The following SPATA7 variants were observed in gnomAD, a reference collection of about 807,000 sequenced individuals.
SPATA7 encodes the protein spermatogenesis associated 7.
SPATA7 carries 43 observed loss-of-function variants against 51.8 expected under a neutral mutation model. That is an observed-to-expected ratio of 0.83 (90% CI 0.65 to 1.07). The LOEUF is 1.07. Ranked by LOEUF, SPATA7 falls within the 50% of genes least tolerant of loss-of-function variation. The pLI, the probability that SPATA7 is intolerant of heterozygous loss-of-function variation, is 0.00. For synonymous variants in SPATA7, 230 were observed against 252.8 expected, an observed-to-expected ratio of 0.91 and a Z score of 0.86; for missense variants, 683 against 701.3, an observed-to-expected ratio of 0.97 and a Z score of 0.30.
At chr14:88,393,789 A>C (rs1241291952) in intron 3 of SPATA7, among the ~76,000 whole-genome samples, 1 of 152,130 alleles carries the variant, frequency 6.6e-6, no homozygotes, top group African/African-American at 2.4e-5. Context: ...TTTTGTTTAC[A>C]CATCTATGGA....
intron 4 of SPATA7, among the ~76,000 whole-genome samples, chr14:88,409,478 A>G (rs538733796): frequency 2.7e-5 from 4 of 150,032 alleles, no homozygotes; most frequent in Non-Finnish European, 6.0e-5. Context: ...TTGATTCTCT[A>G]TTTTCTTCTT....
chr14:88,457,300 A>G (rs1279970709), downstream of SPATA7, among the ~76,000 whole-genome samples: 2 of 152,158 alleles, frequency 1.3e-5, no homozygotes, highest in Non-Finnish European at 2.9e-5. Context: ...CATTGAATCT[A>G]TAAATTACCT....
chr14:88,452,434 C>T (rs1566795959), intron 3 of SPATA7, among the ~76,000 whole-genome samples: 1 of 152,206 alleles, frequency 6.6e-6, no homozygotes, highest in Non-Finnish European at 1.5e-5. Context: ...TTCAAGAGTG[C>T]ATCAGCTGTG....
Position 88,469,383 on chromosome 14 carries a change from C to CTT in SPATA7, c.255-464_255-463insTT. On this transcript the variant is annotated intron_variant, in intron 4 of 4. Transcript: ENST00000556406. The surrounding 1 kb of genome is among the most constrained non-coding windows in gnomAD (Gnocchi z 4.3). ...AACACTTGTATTCTTTATGTTAAAACAAGTCCGAAGCTTATATGAGATAAC... is the reference window on the plus strand; with the variant it reads ...AACACTTGTATTCTTTATGTTAAAACTTAAGTCCGAAGCTTATATGAGATAAC... 1 of 961,646 alleles carries CTT rather than the reference C, an allele frequency of 1.0e-6. No homozygotes were observed. Among genetic ancestry groups the CTT allele is most frequent in the South Asian group, 1.6e-5 (1 of 60,860 alleles). The allele number at this position is 961,646 out of a possible 1,614,324, so 59.6% of individuals were successfully genotyped here.
intron 5 of SPATA7, among the ~76,000 whole-genome samples, chr14:88,424,921 C>T (rs938914189): frequency 1.3e-5 from 2 of 152,046 alleles, no homozygotes; most frequent in Admixed American, 1.3e-4. Context: ...GATAAATCAG[C>T]ACTTTAGGTT....
chr14:88,434,228 A>C (rs143178346), intron 10 of SPATA7, among the ~76,000 whole-genome samples: 633 of 152,346 alleles, frequency 4.2e-3, no homozygotes, highest in Non-Finnish European at 5.8e-3. Flanking sequence ...CATTTTTATA[A>C]TTGTACCAAA....
intron 3 of SPATA7, among the ~76,000 whole-genome samples, chr14:88,450,931 A>G (rs1204273382): frequency 2.0e-5 from 3 of 152,030 alleles, no homozygotes; most frequent in Non-Finnish European, 4.4e-5. Flanking sequence ...CAGGAACACC[A>G]ATTATTCTTA....
At chr14:88,449,522 C>T (rs760689339) in intron 3 of SPATA7, among the ~76,000 whole-genome samples, 16 of 152,118 alleles carry the variant, frequency 1.1e-4, no homozygotes, top group South Asian at 2.1e-4. Context: ...GAGAATGTTT[C>T]ATGTGCTGAT....
At chr14:88,433,794 A>G (rs949832385) in intron 10 of SPATA7, among the ~76,000 whole-genome samples, 1 of 152,188 alleles carries the variant, frequency 6.6e-6, no homozygotes. Context: ...TATGTATACT[A>G]CTTGCTTTCT....
At chr14:88,410,240 T>C (rs1595222665) in intron 4 of SPATA7, among the ~76,000 whole-genome samples, 1 of 152,300 alleles carries the variant, frequency 6.6e-6, no homozygotes, top group African/African-American at 2.4e-5. Context: ...TCTTTGTAGG[T>C]CTCAAGAACT....
intron 5 of SPATA7, among the ~76,000 whole-genome samples, chr14:88,419,171 A>G (rs138707501): frequency 0.011 from 1,662 of 152,178 alleles, 12 homozygotes; most frequent in Non-Finnish European, 0.016. Flanking sequence ...ATATTTAGCT[A>G]TTTCTCCTTG....
At chr14:88,388,101 C>T (rs1452527467) in intron 1 of SPATA7, among the ~76,000 whole-genome samples, 1 of 151,894 alleles carries the variant, frequency 6.6e-6, no homozygotes, top group South Asian at 2.1e-4. Context: ...ACTCGGGAGG[C>T]TAAGGCAGGA....
At position 88,430,934 on chromosome 14, in the gene SPATA7, C is replaced by T. The variant is rs115770136; in HGVS notation, c.1029-238C>T. On this transcript the variant is annotated intron_variant, in intron 8 of 11. Coordinates refer to ENST00000393545, the MANE Select transcript of SPATA7 (RefSeq NM_018418.5). ...CTGTAATTCACCATACTCCAAAATCCGACATGATGCCCAAAGGAAATGCTC... is the reference window on the plus strand; with the variant it reads ...CTGTAATTCACCATACTCCAAAATCTGACATGATGCCCAAAGGAAATGCTC... 3.6e-3 allele frequency among the ~76,000 whole-genome samples: 545 copies of T among 152,186 alleles called. 3 individuals are homozygous for T. Among genetic ancestry groups the T allele is most frequent in the African/African-American group, 0.012 (497 of 41,532 alleles).
At chr14:88,414,647 T>G (rs1236662405) in intron 4 of SPATA7, 1 of 393,248 alleles carries the variant, frequency 2.5e-6, no homozygotes, top group Non-Finnish European at 5.0e-6. Flanking sequence ...TAGATTAATT[T>G]GAGATCTTTC....
chr14:88,388,071 G>A (rs1363506578), intron 1 of SPATA7, among the ~76,000 whole-genome samples: 3 of 151,986 alleles, frequency 2.0e-5, no homozygotes, highest in Non-Finnish European at 4.4e-5. Context: ...GCATGGTGGC[G>A]TGCGCCTGTA....
In SPATA7 at chr14:88,385,764, G is replaced by T; in HGVS notation, c.-55G>T. 1 of 1,560,854 alleles carries T rather than the reference G, an allele frequency of 6.4e-7. No individual in the cohort carries two copies. Among genetic ancestry groups the T allele is most frequent in the South Asian group, 1.2e-5 (1 of 86,952 alleles). On this transcript the variant is annotated 5_prime_UTR_variant, in exon 1 of 12. Coordinates refer to ENST00000393545, the MANE Select transcript of SPATA7 (RefSeq NM_018418.5). ...ACTGCCGGGGCTGGGCCCGGCCGCG[G>T]GAAGGACCGAAGGGGATACAGCGTG... is the stretch of plus-strand genomic sequence containing the variant.
intron 3 of SPATA7, among the ~76,000 whole-genome samples, chr14:88,453,477 A>G (rs963097115): frequency 1.6e-5 from 2 of 126,800 alleles, no homozygotes; most frequent in African/African-American, 2.5e-5. Flanking sequence ...GGGCAAGACT[A>G]TACTTTGCCA....
intron 4 of SPATA7, among the ~76,000 whole-genome samples, chr14:88,397,810 T>G (rs1264509841): frequency 1.3e-5 from 2 of 152,134 alleles, no homozygotes; most frequent in East Asian, 3.9e-4. Flanking sequence ...AAACCTTTGT[T>G]TTTGATTTCA....
chr14:88,466,916 G>C (rs1202409807), intron 4 of SPATA7: 1 of 152,098 alleles, frequency 6.6e-6, no homozygotes, highest in South Asian at 2.1e-4. Context: ...CCTCTTTAAG[G>C]CTTCTTTTAA....
Sources: allele counts gnomAD v4.1 joint callset (sites outside exome capture counted in the v4.1 genomes callset), GRCh38; gene constraint gnomAD v4.1.1; non-coding constraint Gnocchi (gnomAD v3.1); transcripts MANE v1.5; gene names NCBI Gene and HGNC (gene_info 2026-07-23, HGNC 2026-07-21).